The following ARHGAP39 variants were observed in gnomAD, a reference collection of about 807,000 sequenced individuals.
ARHGAP39 encodes the protein rho GTPase-activating protein 39.
In ARHGAP39, 44 loss-of-function variants were observed where a neutral mutation model predicts 106.9. That is an observed-to-expected ratio of 0.41 (90% CI 0.32 to 0.53). ARHGAP39 has a LOEUF of 0.53. Among genes scored for constraint, ARHGAP39 ranks in the 20% least tolerant of loss-of-function variants. The pLI, the probability that ARHGAP39 is intolerant of heterozygous loss-of-function variation, is 0.21. For synonymous variants in ARHGAP39, 768 were observed against 693.2 expected, an observed-to-expected ratio of 1.11 and a Z score of -1.69; for missense variants, 1,496 against 1,577.3, an observed-to-expected ratio of 0.95 and a Z score of 0.87.
intron 3 of ARHGAP39, among the ~76,000 whole-genome samples, chr8:144,569,667 G>A (rs867358294): frequency 6.6e-6 from 1 of 152,340 alleles, no homozygotes; most frequent in Middle Eastern, 3.4e-3. Flanking sequence ...GGAGGGCAAG[G>A]AGACTTCTGG....
intron 3 of ARHGAP39, 79 bp from the exon 4 acceptor site, chr8:144,555,722 T>C: frequency 8.1e-7 from 1 of 1,235,222 alleles, no homozygotes; most frequent in South Asian, 1.2e-5. Flanking sequence ...GACTTAAGAA[T>C]GTGGCACTGC....
intron 3 of ARHGAP39, among the ~76,000 whole-genome samples, chr8:144,575,185 G>C (rs1191341987): frequency 6.6e-6 from 1 of 152,190 alleles, no homozygotes; most frequent in Non-Finnish European, 1.5e-5. Flanking sequence ...AGGACTGGCA[G>C]TTGCCGTGCG....
At chr8:144,543,686 C>A (rs529843263) in intron 6 of ARHGAP39, among the ~76,000 whole-genome samples, 1 of 152,228 alleles carries the variant, frequency 6.6e-6, no homozygotes, top group African/African-American at 2.4e-5. Context: ...GTGTAAGGCA[C>A]AAGGACAAAG....
intron 3 of ARHGAP39, among the ~76,000 whole-genome samples, chr8:144,556,271 C>A (rs1817914954): frequency 7.7e-6 from 1 of 130,598 alleles, no homozygotes; most frequent in African/African-American, 2.9e-5. Context: ...GGTGACAGAG[C>A]AAGACTCCAT....
Position 144,601,801 on chromosome 8 carries a change from CTG to C in ARHGAP39, c.80+3732_80+3733del, listed in dbSNP as rs367845670. On this transcript the variant is annotated intron_variant, in intron 2 of 11. Transcript: ENST00000377307. ...GAGGCATGCGTGTGTGCTAATGTACCTGTGTGTGTGTGTGGAGGCGTGTGTGC... is the reference window on the plus strand; with the variant it reads ...GAGGCATGCGTGTGTGCTAATGTACCTGTGTGTGTGTGGAGGCGTGTGTGC... 3.3e-3 allele frequency among the ~76,000 whole-genome samples: 369 copies of C among 112,582 alleles called. 2 individuals are homozygous for C. The highest frequency in any genetic ancestry group is 0.012 in the South Asian group (38 of 3,214). 73.9% of individuals were successfully genotyped at this position (112,582 alleles called of 152,430 possible).
In ARHGAP39 at chr8:144,618,748, G is replaced by A. The variant is rs559201861; in HGVS notation, c.-81-13053C>T. The stretch of plus-strand genomic sequence containing the variant: ...AACGTGGTACCCGGTTCTCGCATGG[G>A]AGGCGCAGTGCTGGGCTTCCTGGGA... On this transcript the variant is annotated intron_variant, in intron 1 of 11. Coordinates refer to ENST00000377307, the MANE Select transcript of ARHGAP39 (RefSeq NM_025251.3). Among the ~76,000 whole-genome samples the A allele has an allele frequency of 3.9e-4, 60 of 152,366 alleles. 1 individual carries two copies. The highest frequency in any genetic ancestry group is 1.4e-3 in the African/African-American group (59 of 41,586).
chr8:144,547,765 G>A lies in ARHGAP39; in HGVS notation c.1321C>T (p.Leu441=). The A allele has an allele frequency of 4.4e-6, 7 of 1,598,284 alleles. No homozygotes were observed. Among genetic ancestry groups the A allele is most frequent in the Non-Finnish European group, 5.1e-6 (6 of 1,177,334 alleles). The change falls in exon 5 of 12, where the codon CTG becomes TTG. Residue 441 remains leucine, a synonymous_variant. Coordinates refer to ENST00000377307, the MANE Select transcript of ARHGAP39 (RefSeq NM_025251.3). The surrounding 1 kb of genome is among the most constrained non-coding windows in gnomAD (Gnocchi z 5.2). ...CTGTAGTCTCCGGACTTGACGCCCAGGCGCTGGTCCCTCAGCAGGCAGGGG... is the reference window on the plus strand; with the variant it reads ...CTGTAGTCTCCGGACTTGACGCCCAAGCGCTGGTCCCTCAGCAGGCAGGGG... ...PSPCLLRDQR[L]GVKSGDYSTM...
At chr8:144,575,624 G>A (rs765440481) in intron 3 of ARHGAP39, among the ~76,000 whole-genome samples, 41 of 151,972 alleles carry the variant, frequency 2.7e-4, no homozygotes, top group African/African-American at 9.2e-4. Context: ...CAACAGCGCC[G>A]CCTTCTGGAC....
Position 144,619,309 on chromosome 8 carries a change from C to T in ARHGAP39, c.-81-13614G>A, listed in dbSNP as rs1448874092. On this transcript the variant is annotated intron_variant, in intron 1 of 11. Transcript: ENST00000377307. ...CCAGGGTGCCAGAGGCCCCTCGCTC[C>T]GAGAAGCGCGGGTCCCCATCCCCGC... Among the ~76,000 whole-genome samples the T allele has an allele frequency of 5.3e-5, 8 of 152,374 alleles. No individual in the cohort carries two copies. In the East Asian group the frequency reaches 5.8e-4, roughly 11 times the overall value.
Position 144,530,282 on chromosome 8 carries a change from G to T in ARHGAP39, c.*140C>A. 3.2e-6 allele frequency: 3 copies of T among 931,394 alleles called. No homozygotes were observed. The highest frequency in any genetic ancestry group is 4.7e-6 in the Non-Finnish European group (3 of 635,782). 57.7% of individuals were successfully genotyped at this position (931,394 alleles called of 1,614,324 possible). A position where few individuals can be genotyped will look rare whatever the true frequency, so the allele number is the denominator to read the frequency against. ...AGACCAGGCAGAAGACGTGGGGAGCGCCGGGGCCAGGGGCCTGGGGGAGTG... is the reference window on the plus strand; with the variant it reads ...AGACCAGGCAGAAGACGTGGGGAGCTCCGGGGCCAGGGGCCTGGGGGAGTG... On this transcript the variant is annotated 3_prime_UTR_variant, in exon 12 of 12. Coordinates refer to ENST00000377307, the MANE Select transcript of ARHGAP39 (RefSeq NM_025251.3).
At position 144,534,174 on chromosome 8, in the gene ARHGAP39, G is replaced by A. The variant is rs778614821; in HGVS notation, c.2643C>T (p.Tyr881=). The A allele has an allele frequency of 6.5e-5, 105 of 1,613,476 alleles. No homozygotes were observed. Among genetic ancestry groups the A allele is most frequent in the Non-Finnish European group, 8.6e-5 (101 of 1,179,838 alleles). Residue 881 remains tyrosine, a synonymous_variant, in exon 8 of 12, where the codon TAC becomes TAT. Transcript: ENST00000377307. ...DGVAISTYAK[Y]CYHKLQKAAL... Reference sequence around the variant, plus strand: ...CTGCCTTCTGTAGCTTGTGGTAACAGTACTTGGCATACGTGCTTATCGCCA... The same window carrying A: ...CTGCCTTCTGTAGCTTGTGGTAACAATACTTGGCATACGTGCTTATCGCCA...
At chr8:144,680,645 C>T (rs1822386766) in intron 1 of ARHGAP39, among the ~76,000 whole-genome samples, 1 of 152,052 alleles carries the variant, frequency 6.6e-6, no homozygotes, top group South Asian at 2.1e-4. Context: ...TTGGAAAACA[C>T]TTGCATACAA....
chr8:144,658,712 C>T (rs989833386), intron 1 of ARHGAP39, among the ~76,000 whole-genome samples: 6 of 152,114 alleles, frequency 3.9e-5, no homozygotes, highest in Non-Finnish European at 8.8e-5. Flanking sequence ...GCTTTCCCCT[C>T]ACTACTCTAA....
At chr8:144,691,703 C>T in the ARHGAP39 span, among the ~76,000 whole-genome samples, 1 of 152,096 alleles carries the variant, frequency 6.6e-6, no homozygotes, top group African/African-American at 2.4e-5. Context: ...CAATGCATTG[C>T]AATCCTAGTC....
intron 6 of ARHGAP39, among the ~76,000 whole-genome samples, chr8:144,540,979 G>A (rs1412543148): frequency 6.6e-6 from 1 of 152,098 alleles, no homozygotes; most frequent in African/African-American, 2.4e-5. Context: ...AGCCTCCTGA[G>A]TGCCTGGGAT....
chr8:144,666,166 C>T (rs1047231337), intron 1 of ARHGAP39, among the ~76,000 whole-genome samples: 1 of 152,186 alleles, frequency 6.6e-6, no homozygotes, highest in South Asian at 2.1e-4. Flanking sequence ...TAACCCCTTT[C>T]TTTTGGCCAA....
chr8:144,644,939 C>T lies in ARHGAP39; in HGVS notation c.-81-39244G>A, dbSNP rs1821405047. 6.6e-6 allele frequency among the ~76,000 whole-genome samples: 1 copy of T among 152,266 alleles called. No individual in the cohort carries two copies. Among genetic ancestry groups the T allele is most frequent in the Non-Finnish European group, 1.5e-5 (1 of 68,048 alleles). ...GCAGGTCCTCTGCTCCGTGCTGCCA[C>T]ACCCTGCCCAGTGCGCCCATTCAGG... On this transcript the variant is annotated intron_variant, in intron 1 of 11. Coordinates refer to ENST00000377307, the MANE Select transcript of ARHGAP39 (RefSeq NM_025251.3). This position sits in a 1 kb window ranked among gnomAD's most constrained non-coding sequence, Gnocchi z 4.8.
In ARHGAP39 at chr8:144,547,406, G is replaced by A; in HGVS notation, c.1680C>T (p.Ala560=). 1.3e-6 allele frequency: 2 copies of A among 1,591,490 alleles called. No homozygotes were observed. Among genetic ancestry groups the A allele is most frequent in the Non-Finnish European group, 1.7e-6 (2 of 1,175,968 alleles). ...GGAAGTGGGCCTGCTGCGCCTCCCA[G>A]GCCAGCCGAGCCTGCGCCAGGAAGG... ...AEPFLAQARL[A]WEAQQAHFHM... The change falls in exon 5 of 12, where the codon GCC becomes GCT. Residue 560 remains alanine (A), a synonymous_variant. Transcript: ENST00000377307. The surrounding 1 kb of genome is among the most constrained non-coding windows in gnomAD (Gnocchi z 5.2).
chr8:144,614,384 G>A (rs929003892), intron 1 of ARHGAP39, among the ~76,000 whole-genome samples: 10 of 147,160 alleles, frequency 6.8e-5, no homozygotes, highest in African/African-American at 2.3e-4. Context: ...ACGGAGTCTC[G>A]CTCTGCCACC....
Sources: gnomAD v4.1 joint callset for allele counts (sites outside exome capture counted in the v4.1 genomes callset) on GRCh38, gnomAD v4.1.1 for gene constraint, Gnocchi (gnomAD v3.1) non-coding constraint, MANE v1.5 for transcripts, NCBI Gene and HGNC (gene_info 2026-07-23, HGNC 2026-07-21) for gene names.